The following FCHO2 variants were observed in gnomAD, a reference collection of about 807,000 sequenced individuals.
The protein encoded by FCHO2 is FCH and mu domain containing endocytic adaptor 2.
In FCHO2, 43 loss-of-function variants were observed where a neutral mutation model predicts 114.1. The ratio of observed to expected loss-of-function variants is 0.38; its 90% CI spans 0.30 to 0.49. The LOEUF (loss-of-function observed/expected upper bound fraction) is 0.49. Among genes scored for constraint, FCHO2 ranks in the 20% least tolerant of loss-of-function variants. FCHO2 has a pLI of 0.97. For synonymous variants in FCHO2, 293 were observed against 315.2 expected (o/e 0.93, Z 0.75); for missense variants, 807 against 950.4 (o/e 0.85, Z 1.98).
In FCHO2 at chr5:73,081,782, G is replaced by T; in HGVS notation, c.1981-1G>T. The T allele has an allele frequency of 6.7e-7, 1 of 1,500,920 alleles. No individual in the cohort carries two copies. Among genetic ancestry groups the T allele is most frequent in the Non-Finnish European group, 8.9e-7 (1 of 1,117,326 alleles). The allele number at this position is 1,500,920 out of a possible 1,614,324, so 93.0% of individuals were successfully genotyped here. On this transcript the variant is annotated splice_acceptor_variant, in intron 22 of 25. Coordinates refer to ENST00000430046, the MANE Select transcript of FCHO2 (RefSeq NM_138782.3). LOFTEE classifies it high-confidence loss of function. ...AATTGTTTGTTCTTTTCTCTTTAAA[G>T]GTATCATCAAATGGTATTCAGTCCA...
At chr5:73,048,374 G>A (rs955160854) in intron 11 of FCHO2, among the ~76,000 whole-genome samples, 11 of 152,038 alleles carry the variant, frequency 7.2e-5, no homozygotes, top group Admixed American at 2.0e-4. Flanking sequence ...CACTGCAGGA[G>A]GTGGAGGTTG....
At chr5:72,961,786 G>T (rs1410948553) in intron 1 of FCHO2, among the ~76,000 whole-genome samples, 3 of 151,946 alleles carry the variant, frequency 2.0e-5, no homozygotes, top group African/African-American at 7.3e-5. Context: ...TAGAGATGGG[G>T]ATTCTCCATG....
chr5:73,010,875 C>CAA (rs57820498), intron 6 of FCHO2, among the ~76,000 whole-genome samples: 281 of 25,608 alleles, frequency 0.011, 17 homozygotes, highest in East Asian at 0.023. Flanking sequence ...GACTCTGTCT[C>CAA]AAAAAAAAAA....
intron 2 of FCHO2, among the ~76,000 whole-genome samples, chr5:72,975,771 T>C (rs1366818864): frequency 1.3e-5 from 2 of 152,072 alleles, no homozygotes; most frequent in Non-Finnish European, 2.9e-5. Flanking sequence ...TCCCAGTGTG[T>C]TGGGATTACA....
intron 6 of FCHO2, 67 bp from the exon 7 acceptor site, chr5:73,015,559 G>A: frequency 3.1e-6 from 3 of 960,946 alleles, no homozygotes; most frequent in Non-Finnish European, 4.6e-6. Context: ...AAGCTCTTTT[G>A]ATTCCAGAAT....
At chr5:73,070,128 A>T (rs1742562812) in intron 19 of FCHO2, among the ~76,000 whole-genome samples, 1 of 152,120 alleles carries the variant, frequency 6.6e-6, no homozygotes, top group Non-Finnish European at 1.5e-5. Flanking sequence ...TGGAACTAGC[A>T]GTCGTTTAAT....
intron 8 of FCHO2, chr5:73,020,950 C>G: frequency 6.3e-7 from 1 of 1,595,496 alleles, no homozygotes; most frequent in Non-Finnish European, 8.6e-7. Flanking sequence ...CAGTTTGTTG[C>G]TTCGGCTGTT....
chr5:73,068,138 G>T (rs1270751912), intron 18 of FCHO2, among the ~76,000 whole-genome samples: 1 of 151,992 alleles, frequency 6.6e-6, no homozygotes, highest in Non-Finnish European at 1.5e-5. Flanking sequence ...CTTAGTGAAA[G>T]CTCAGATAAT....
At chr5:73,066,769 G>C (rs540496986) in intron 18 of FCHO2, among the ~76,000 whole-genome samples, 10 of 151,846 alleles carry the variant, frequency 6.6e-5, no homozygotes, top group Non-Finnish European at 1.5e-4. Flanking sequence ...GAATTTGGTA[G>C]AAATAGTTTC....
intron 20 of FCHO2, among the ~76,000 whole-genome samples, chr5:73,075,200 A>G (rs1013324463): frequency 1.8e-4 from 27 of 152,210 alleles, no homozygotes; most frequent in African/African-American, 6.5e-4. Context: ...GATACACGCT[A>G]TGAAGAAAAA....
intron 18 of FCHO2, among the ~76,000 whole-genome samples, chr5:73,066,597 A>G (rs1475220722): frequency 1.4e-4 from 12 of 87,248 alleles, no homozygotes; most frequent in African/African-American, 5.3e-4. Flanking sequence ...TTTTTTTTGC[A>G]TGCTCATATG....
At chr5:73,042,791 A>G (rs781041703) in intron 11 of FCHO2, among the ~76,000 whole-genome samples, 1 of 152,224 alleles carries the variant, frequency 6.6e-6, no homozygotes, top group African/African-American at 2.4e-5. Context: ...TAGGATAAAA[A>G]TGGTCAATTT....
chr5:73,068,543 C>T, intron 18 of FCHO2, 107 bp from the exon 19 acceptor site: 3 of 1,122,878 alleles, frequency 2.7e-6, no homozygotes, highest in Non-Finnish European at 3.8e-6. Context: ...AAGAAACTCA[C>T]ACAGTAAATT....
chr5:72,965,110 G>A (rs1044700499), intron 1 of FCHO2, among the ~76,000 whole-genome samples: 1 of 152,100 alleles, frequency 6.6e-6, no homozygotes, highest in Non-Finnish European at 1.5e-5. Flanking sequence ...TATCCCCTGT[G>A]GAGAAGAGGG....
At chr5:72,996,417 A>G (rs1236643816) in intron 5 of FCHO2, among the ~76,000 whole-genome samples, 1 of 152,184 alleles carries the variant, frequency 6.6e-6, no homozygotes, top group African/African-American at 2.4e-5. Flanking sequence ...AAATGTAAAA[A>G]GCATAATATT....
chr5:73,042,489 T>C (rs2112812092), intron 11 of FCHO2, among the ~76,000 whole-genome samples: 1 of 152,328 alleles, frequency 6.6e-6, no homozygotes, highest in East Asian at 1.9e-4. Context: ...ATTCAGTAAC[T>C]GATACTATTT....
intron 19 of FCHO2, among the ~76,000 whole-genome samples, chr5:73,072,404 G>T (rs962174988): frequency 6.6e-6 from 1 of 151,902 alleles, no homozygotes; most frequent in African/African-American, 2.4e-5. Flanking sequence ...TTACTTCTGG[G>T]TATATACCCA....
In FCHO2 at chr5:73,090,455, AT is replaced by A. The variant is rs1312018789; in HGVS notation, c.*2372del. 5 of 152,646 alleles carry A rather than the reference AT, an allele frequency of 3.3e-5. No homozygotes were observed. The highest frequency in any genetic ancestry group is 1.9e-4 in the East Asian group (1 of 5,178). The allele number at this position is 152,646 out of a possible 1,614,324, so 9.5% of individuals were successfully genotyped here. Reference sequence around the variant, plus strand: ...TTCCAAGATTTTGTAAATATTTTTGATTTTTTTCATTAAATGTAAATTTTAC... The same window carrying A: ...TTCCAAGATTTTGTAAATATTTTTGATTTTTTCATTAAATGTAAATTTTAC... On this transcript the variant is annotated 3_prime_UTR_variant, in exon 26 of 26. Transcript: ENST00000430046.
intron 1 of FCHO2, among the ~76,000 whole-genome samples, chr5:72,963,918 T>G (rs201411717): frequency 0.1 from 15,090 of 144,534 alleles, 1,011 homozygotes; most frequent in East Asian, 0.33. Context: ...TTTTTTTTTT[T>G]TTTTTTTTTT....
Sources: allele counts gnomAD v4.1 joint callset (sites outside exome capture counted in the v4.1 genomes callset), GRCh38; gene constraint gnomAD v4.1.1; transcripts MANE v1.5; gene names NCBI Gene and HGNC (gene_info 2026-07-23, HGNC 2026-07-21).